The following MTHFD2L variants were observed in gnomAD, a reference collection of about 807,000 sequenced individuals.
MTHFD2L encodes the protein bifunctional methylenetetrahydrofolate dehydrogenase/cyclohydrolase 2, mitochondrial.
In MTHFD2L, 29 loss-of-function variants were observed where a neutral mutation model predicts 34.9. That is an observed-to-expected ratio of 0.83 (90% CI 0.62 to 1.13). The LOEUF is 1.13. Among genes scored for constraint, MTHFD2L ranks in the 50% most tolerant of loss-of-function variants. MTHFD2L has a pLI of 0.00. For synonymous variants in MTHFD2L, 167 were observed against 155.7 expected, an observed-to-expected ratio of 1.07 and a Z score of -0.54; for missense variants, 481 against 446.5, an observed-to-expected ratio of 1.08 and a Z score of -0.70.
chr4:74,230,538 C>T (rs1262258418), intron 6 of MTHFD2L, among the ~76,000 whole-genome samples: 1 of 147,452 alleles, frequency 6.8e-6, no homozygotes, highest in East Asian at 2.0e-4. Context: ...TGCAGTGAGC[C>T]GAGATCACAC....
At chr4:74,133,450 AT>A (rs375615242) in intron 1 of MTHFD2L, among the ~76,000 whole-genome samples, 2 of 151,906 alleles carry the variant, frequency 1.3e-5, no homozygotes, top group Admixed American at 6.6e-5. Context: ...TAATTTTTAG[AT>A]TTGGTCTTTT....
chr4:74,290,998 C>CTTTCCTTTTTTTTTTTTTTT (rs1748828554), intron 7 of MTHFD2L, among the ~76,000 whole-genome samples: 1 of 46,156 alleles, frequency 2.2e-5, no homozygotes, highest in Non-Finnish European at 4.8e-5. Flanking sequence ...TTTATTTTTC[C>CTTTCCTTTTTTTTTTTTTTT]TTTTCTTTTT....
chr4:74,262,804 G>T (rs1295661869), intron 6 of MTHFD2L, among the ~76,000 whole-genome samples: 2 of 151,918 alleles, frequency 1.3e-5, no homozygotes, highest in East Asian at 1.9e-4. Flanking sequence ...CCTCTAGAAG[G>T]TAATTTGACA....
intron 3 of MTHFD2L, among the ~76,000 whole-genome samples, chr4:74,188,128 T>C (rs992039147): frequency 2.6e-5 from 4 of 152,328 alleles, no homozygotes; most frequent in African/African-American, 9.6e-5. Flanking sequence ...TACTCTGTGA[T>C]TTCATTTAAA....
At chr4:74,199,617 A>G (rs1319759149) in intron 3 of MTHFD2L, among the ~76,000 whole-genome samples, 177 bp from the exon 4 acceptor site, 2 of 152,068 alleles carry the variant, frequency 1.3e-5, no homozygotes, top group Non-Finnish European at 2.9e-5. Context: ...GCCATCAGTC[A>G]AGAGCACTTT....
At chr4:74,213,490 G>C (rs1736687984) in intron 5 of MTHFD2L, among the ~76,000 whole-genome samples, 1 of 152,118 alleles carries the variant, frequency 6.6e-6, no homozygotes, top group South Asian at 2.1e-4. Flanking sequence ...ATTCTGGATT[G>C]AAAATTTTTT....
At chr4:74,288,950 T>C (rs759490359) in intron 7 of MTHFD2L, among the ~76,000 whole-genome samples, 19 of 152,322 alleles carry the variant, frequency 1.2e-4, no homozygotes, top group Non-Finnish European at 2.2e-4. Context: ...CACTGGCTTA[T>C]TTTCAGTCTC....
chr4:74,143,453 G>A (rs892723670), intron 1 of MTHFD2L: 1 of 985,388 alleles, frequency 1.0e-6, no homozygotes, highest in Non-Finnish European at 1.2e-6. Context: ...GCTGAGTTTG[G>A]AAGGGTCCTA....
intron 3 of MTHFD2L, among the ~76,000 whole-genome samples, chr4:74,187,097 T>C (rs1042215533): frequency 6.6e-6 from 1 of 152,120 alleles, no homozygotes; most frequent in Non-Finnish European, 1.5e-5. Flanking sequence ...GCTGGAACAA[T>C]CAGATATTCA....
At chr4:74,258,858 A>G (rs1369444961) in intron 6 of MTHFD2L, among the ~76,000 whole-genome samples, 2 of 152,184 alleles carry the variant, frequency 1.3e-5, no homozygotes, top group African/African-American at 4.8e-5. Context: ...GGACAGGGAG[A>G]TACTTCCAGA....
intron 1 of MTHFD2L, among the ~76,000 whole-genome samples, chr4:74,130,130 A>T: frequency 6.6e-6 from 1 of 152,076 alleles, no homozygotes; most frequent in Non-Finnish European, 1.5e-5. Context: ...GGACCAGACA[A>T]ATTCACAGCC....
chr4:74,250,364 CT>C (rs1175613434), intron 6 of MTHFD2L, among the ~76,000 whole-genome samples: 3 of 151,176 alleles, frequency 2.0e-5, no homozygotes, highest in Non-Finnish European at 3.0e-5. Flanking sequence ...AAATAGCAGT[CT>C]TTTTTTTTCT....
chr4:74,118,002 A>C (rs1418670977), intron 2 of MTHFD2L, among the ~76,000 whole-genome samples: 1 of 152,208 alleles, frequency 6.6e-6, no homozygotes, highest in East Asian at 1.9e-4. Flanking sequence ...TATCTTATTT[A>C]TATATCTTTC....
intron 7 of MTHFD2L, among the ~76,000 whole-genome samples, chr4:74,289,429 G>A (rs1227297444): frequency 6.6e-6 from 1 of 152,134 alleles, no homozygotes; most frequent in African/African-American, 2.4e-5. Flanking sequence ...GTAAGGAAGT[G>A]AGTGATAGAG....
At chr4:74,163,937 A>G (rs901429166) in intron 1 of MTHFD2L, among the ~76,000 whole-genome samples, 5 of 152,178 alleles carry the variant, frequency 3.3e-5, no homozygotes, top group African/African-American at 1.2e-4. Flanking sequence ...GTGCAATAGC[A>G]CGATCTTGGC....
At chr4:74,260,229 G>C (rs952034902) in intron 6 of MTHFD2L, among the ~76,000 whole-genome samples, 6 of 152,198 alleles carry the variant, frequency 3.9e-5, no homozygotes, top group African/African-American at 1.4e-4. Context: ...CTTGGAGCCA[G>C]TTGGGGCCAG....
intron 7 of MTHFD2L, among the ~76,000 whole-genome samples, chr4:74,282,102 G>T (rs1747564124): frequency 6.6e-6 from 1 of 151,914 alleles, no homozygotes; most frequent in Admixed American, 6.6e-5. Context: ...AAGATACAAG[G>T]CAACAAATAT....
intron 3 of MTHFD2L, among the ~76,000 whole-genome samples, chr4:74,187,170 A>G (rs1274316292): frequency 6.6e-6 from 1 of 152,198 alleles, no homozygotes; most frequent in Non-Finnish European, 1.5e-5. Flanking sequence ...AGAAATGAAG[A>G]ATGCTTTGAT....
At chr4:74,278,037 A>T (rs1276458087) in intron 6 of MTHFD2L, among the ~76,000 whole-genome samples, 1 of 152,154 alleles carries the variant, frequency 6.6e-6, no homozygotes, top group Non-Finnish European at 1.5e-5. Context: ...CTACAAAAAA[A>T]AATAAAGTTA....
Sources: allele counts gnomAD v4.1 joint callset (sites outside exome capture counted in the v4.1 genomes callset), GRCh38; gene constraint gnomAD v4.1.1; transcripts MANE v1.5; gene names NCBI Gene and HGNC (gene_info 2026-07-23, HGNC 2026-07-21).